Variants in EML1 observed in about 807,000 individuals in gnomAD.
EML1 encodes EMAP like 1, also known as echinoderm microtubule-associated protein-like 1.
A neutral mutation model predicts 110.4 loss-of-function variants in EML1; 27 were observed. The ratio of observed to expected loss-of-function variants is 0.24; its 90% CI spans 0.18 to 0.34. EML1 has a LOEUF of 0.34. Ranked by LOEUF, EML1 falls within the 10% of genes least tolerant of loss-of-function variation. EML1 has a pLI of 1.00. For missense variants in EML1, 741 were observed against 1,030.9 expected (o/e 0.72, Z 3.85); for synonymous variants, 344 against 385.8 (o/e 0.89, Z 1.27).
chr14:99,847,173 G>A (rs1250190231), intron 1 of EML1, among the ~76,000 whole-genome samples: 1 of 152,066 alleles, frequency 6.6e-6, no homozygotes, highest in Non-Finnish European at 1.5e-5. Context: ...TATCATTGTG[G>A]TCAGAGAACA....
rs565478971 is a variant in EML1 at position 99,828,359 on chromosome 14, T to A, written c.68-22494T>A. Among the ~76,000 whole-genome samples, 9 of 152,298 alleles carry A rather than the reference T, an allele frequency of 5.9e-5. No homozygotes were observed. The South Asian group carries it at 1.9e-3, about 32-fold the overall frequency. On this transcript the variant is annotated intron_variant, in intron 1 of 21. Transcript: ENST00000262233. ...ATCCCTTTGTCCCATGCACCCACAC[T>A]GTAGACGCCCCTACCCATGAGTCAC...
chr14:99,899,779 TCCTC>T (rs1269786927), intron 8 of EML1, among the ~76,000 whole-genome samples: 1 of 152,106 alleles, frequency 6.6e-6, no homozygotes, highest in Non-Finnish European at 1.5e-5. Flanking sequence ...AGCTATTTGT[TCCTC>T]CCTCTAGTGG....
intron 4 of EML1, among the ~76,000 whole-genome samples, chr14:99,889,879 A>G (rs1042275952): frequency 1.3e-5 from 2 of 152,258 alleles, no homozygotes; most frequent in Non-Finnish European, 2.9e-5. Flanking sequence ...AACTAAGCCT[A>G]TAGCTTACAA....
chr14:99,899,885 A>G (rs1208422950), intron 8 of EML1, among the ~76,000 whole-genome samples: 1 of 152,118 alleles, frequency 6.6e-6, no homozygotes, highest in Non-Finnish European at 1.5e-5. Context: ...GTTTACCCAT[A>G]GAGAAATCCA....
At chr14:99,915,790 A>G (rs2060024733) in intron 15 of EML1, among the ~76,000 whole-genome samples, 1 of 152,138 alleles carries the variant, frequency 6.6e-6, no homozygotes, top group Non-Finnish European at 1.5e-5. Flanking sequence ...CCGGTGCCCT[A>G]ATGATCTGTG....
chr14:99,768,360 G>A (rs142909402), upstream of EML1, among the ~76,000 whole-genome samples: 1 of 152,208 alleles, frequency 6.6e-6, no homozygotes, highest in Admixed American at 6.5e-5. Context: ...CGGAGCCGCT[G>A]TCTGAGCTGG....
In EML1 at chr14:99,779,207, A is replaced by G. The variant is rs1309017109; in HGVS notation, c.-27+5194A>G. 2.0e-5 allele frequency among the ~76,000 whole-genome samples: 3 copies of G among 151,440 alleles called. No homozygotes were observed. The East Asian group carries it at 5.8e-4, about 29-fold the overall frequency. ...TATGATATCCCATTTTTTTCCTCCT[A>G]TATTCTGTGTAGCTTTGTCTTTTTT... is the stretch of plus-strand genomic sequence containing the variant. On this transcript the variant is annotated intron_variant, in intron 1 of 22. Transcript: ENST00000327921.
rs756196110 is a variant in EML1, at chr14:99,936,197, G to A, written c.2008-50G>A. The A allele has an allele frequency of 1.9e-6, 3 of 1,612,426 alleles. No individual in the cohort carries two copies. Among genetic ancestry groups the A allele is most frequent in the Non-Finnish European group, 2.5e-6 (3 of 1,178,484 alleles). ...GTTTAACTACCGTGGAACAGTGTTG[G>A]CAGGGACTTCTAAGGCCAATGAAAT... is the stretch of plus-strand genomic sequence containing the variant. On this transcript the variant is annotated intron_variant, in intron 18 of 21. Transcript: ENST00000262233. This position sits in a 1 kb window ranked among gnomAD's most constrained non-coding sequence, Gnocchi z 5.5.
intron 16 of EML1, 103 bp from the exon 17 acceptor site, chr14:99,920,682 GTATT>G (rs769486759): frequency 7.1e-5 from 61 of 857,446 alleles, no homozygotes; most frequent in South Asian, 2.5e-4. Flanking sequence ...CAAATTCTGA[GTATT>G]TATTAAGCTT....
At chr14:99,752,542 G>C (rs2057189102) in intron 1 of EML1, among the ~76,000 whole-genome samples, 1 of 152,222 alleles carries the variant, frequency 6.6e-6, no homozygotes, top group African/African-American at 2.4e-5. Flanking sequence ...CTGGTCCCCT[G>C]GGTGCAGGAA....
At chr14:99,745,795 A>G (rs746348387) in intron 1 of EML1, among the ~76,000 whole-genome samples, 8 of 152,206 alleles carry the variant, frequency 5.3e-5, no homozygotes, top group Non-Finnish European at 1.0e-4. Flanking sequence ...AGCAGAAAAC[A>G]TCCTTCCTGC....
At chr14:99,795,772 C>T (rs1239628391) in intron 1 of EML1, among the ~76,000 whole-genome samples, 1 of 152,176 alleles carries the variant, frequency 6.6e-6, no homozygotes, top group Non-Finnish European at 1.5e-5. Context: ...AAGACAGCAG[C>T]ATAATACATG....
At chr14:99,935,781 CA>C (rs1160100015) in intron 17 of EML1, among the ~76,000 whole-genome samples, 1,360 of 83,646 alleles carry the variant, frequency 0.016, 11 homozygotes, top group Admixed American at 0.045. Context: ...GACTCCGTCT[CA>C]AAAAAAAAAA....
intron 4 of EML1, among the ~76,000 whole-genome samples, chr14:99,886,356 C>T (rs562857599): frequency 6.2e-4 from 95 of 152,240 alleles, no homozygotes; most frequent in Middle Eastern, 6.8e-3. Context: ...GTGGCATATG[C>T]CTGTAGTCCC....
Position 99,927,146 on chromosome 14 carries a change from C to A in EML1, c.1909+6269C>A, listed in dbSNP as rs78342422. ...TCATCAGATGGCCAGTTATATGTTC[C>A]AGTTTTCAATTTACTTTTTTTTAAC... On this transcript the variant is annotated intron_variant, in intron 17 of 21. Transcript: ENST00000262233. 2.5e-3 allele frequency among the ~76,000 whole-genome samples: 382 copies of A among 152,270 alleles called. 4 individuals are homozygous for A. The highest frequency in any genetic ancestry group is 8.0e-3 in the African/African-American group (331 of 41,550).
chr14:99,847,786 A>G (rs1488065104), intron 1 of EML1, among the ~76,000 whole-genome samples: 1 of 151,872 alleles, frequency 6.6e-6, no homozygotes, highest in Non-Finnish European at 1.5e-5. Flanking sequence ...ACATTTTGAC[A>G]TCTATTTTAT....
At chr14:99,767,404 C>A (rs2057378659) in intron 1 of EML1, among the ~76,000 whole-genome samples, 1 of 152,224 alleles carries the variant, frequency 6.6e-6, no homozygotes, top group Admixed American at 6.5e-5. Context: ...GATATGGCGA[C>A]CATCCTGGCC....
intron 1 of EML1, among the ~76,000 whole-genome samples, chr14:99,745,846 G>A (rs2057101579): frequency 6.6e-6 from 1 of 152,194 alleles, no homozygotes; most frequent in Admixed American, 6.5e-5. Flanking sequence ...TGACTCTGTG[G>A]ACGCTTACTG....
rs77880074 is a variant in EML1 at position 99,782,944 on chromosome 14, C to T, written c.-27+8931C>T. Among the ~76,000 whole-genome samples the T allele has an allele frequency of 3.5e-3, 539 of 152,110 alleles. 4 individuals carry two copies. The highest frequency in any genetic ancestry group is 0.013 in the African/African-American group (520 of 41,476). ...GAAGCATAACCTGTATCAATCTAGACAATCTTCTTTCAATGCACACTATGG... is the reference window on the plus strand; with the variant it reads ...GAAGCATAACCTGTATCAATCTAGATAATCTTCTTTCAATGCACACTATGG... On this transcript the variant is annotated intron_variant, in intron 1 of 22. Transcript: ENST00000327921.
Sources: gnomAD v4.1 joint callset for allele counts (sites outside exome capture counted in the v4.1 genomes callset) on GRCh38, gnomAD v4.1.1 for gene constraint, Gnocchi (gnomAD v3.1) non-coding constraint, MANE v1.5 for transcripts, NCBI Gene and HGNC (gene_info 2026-07-23, HGNC 2026-07-21) for gene names.